Variants in ZNF804B observed in about 807,000 individuals in gnomAD.
ZNF804B encodes the protein zinc finger protein 804B.
A neutral mutation model predicts 101.4 loss-of-function variants in ZNF804B; 80 were observed. The ratio of observed to expected loss-of-function variants is 0.79; its 90% CI spans 0.66 to 0.95. The LOEUF (loss-of-function observed/expected upper bound fraction) is 0.95, where lower values mean the gene tolerates loss of function less well. Ranked by LOEUF, ZNF804B falls within the 40% of genes least tolerant of loss-of-function variation. The pLI is 0.00. For missense variants in ZNF804B, 1,673 were observed against 1,561.9 expected (o/e 1.07, Z -1.20); for synonymous variants, 622 against 558.8 (o/e 1.11, Z -1.59).
chr7:89,083,560 A>T (rs914913444), intron 1 of ZNF804B, among the ~76,000 whole-genome samples: 1 of 151,802 alleles, frequency 6.6e-6, no homozygotes, highest in Non-Finnish European at 1.5e-5. Flanking sequence ...GTGTTTGAGG[A>T]TGTACCTAAC....
At chr7:88,807,904 C>A (rs1456993877) in intron 1 of ZNF804B, among the ~76,000 whole-genome samples, 2 of 152,090 alleles carry the variant, frequency 1.3e-5, no homozygotes, top group Non-Finnish European at 2.9e-5. Flanking sequence ...TTATTAAATT[C>A]TCTGGTCAAA....
At chr7:88,887,320 G>A (rs1480638293) in intron 1 of ZNF804B, among the ~76,000 whole-genome samples, 1 of 150,720 alleles carries the variant, frequency 6.6e-6, no homozygotes. Context: ...GTTCCATATA[G>A]ATGCTGGATA....
Position 88,893,200 on chromosome 7 carries a change from T to C in ZNF804B, c.108+133116T>C, listed in dbSNP as rs557018913. ...CAGCATTTGATATGGTAAGCACATA[T>C]GGATTACTATTTTATTATAGTTTCT... On this transcript the variant is annotated intron_variant, in intron 1 of 3. Transcript: ENST00000333190. Among the ~76,000 whole-genome samples the C allele has an allele frequency of 1.5e-3, 225 of 152,214 alleles. 8 individuals carry two copies. Among genetic ancestry groups the C allele is most frequent in the Non-Finnish European group, 3.7e-4 (25 of 67,990 alleles).
intron 1 of ZNF804B, among the ~76,000 whole-genome samples, chr7:88,761,512 C>T (rs1789896037): frequency 6.6e-6 from 1 of 152,190 alleles, no homozygotes; most frequent in Non-Finnish European, 1.5e-5. Context: ...TCTCAGCAAA[C>T]CACTTTAATG....
intron 1 of ZNF804B, among the ~76,000 whole-genome samples, chr7:89,012,074 G>T (rs753194078): frequency 6.6e-6 from 1 of 152,144 alleles, no homozygotes; most frequent in Non-Finnish European, 1.5e-5. Flanking sequence ...CTTGACTTCT[G>T]TGTACTCACA....
chr7:89,076,586 A>T (rs777947197), intron 1 of ZNF804B, among the ~76,000 whole-genome samples: 1 of 152,184 alleles, frequency 6.6e-6, no homozygotes. Context: ...TTATGTACAT[A>T]AGAAAAATAT....
chr7:89,270,368 A>G (rs865960777), intron 2 of ZNF804B, among the ~76,000 whole-genome samples: 2 of 152,258 alleles, frequency 1.3e-5, no homozygotes, highest in Non-Finnish European at 1.5e-5. Flanking sequence ...CAAAGAGCAG[A>G]TGGTTGTAGA....
intron 1 of ZNF804B, among the ~76,000 whole-genome samples, chr7:89,171,182 T>C (rs1791218495): frequency 6.6e-6 from 1 of 152,342 alleles, no homozygotes; most frequent in African/African-American, 2.4e-5. Flanking sequence ...ACAACAGCAG[T>C]AATAAATTAT....
chr7:88,911,902 G>A (rs1415761305), intron 1 of ZNF804B, among the ~76,000 whole-genome samples: 1 of 151,422 alleles, frequency 6.6e-6, no homozygotes, highest in Non-Finnish European at 1.5e-5. Flanking sequence ...TGTATATCTA[G>A]TATCTTTTAA....
intron 1 of ZNF804B, among the ~76,000 whole-genome samples, chr7:89,072,564 A>G (rs1789557610): frequency 6.6e-6 from 1 of 152,184 alleles, no homozygotes; most frequent in Non-Finnish European, 1.5e-5. Context: ...GGACCAGATC[A>G]TGTACTCTCT....
At chr7:89,021,762 T>C (rs1197036869) in intron 1 of ZNF804B, among the ~76,000 whole-genome samples, 1 of 152,166 alleles carries the variant, frequency 6.6e-6, no homozygotes, top group Non-Finnish European at 1.5e-5. Flanking sequence ...GGAATGAAGA[T>C]ACAGCCCCAG....
At chr7:88,855,455 G>GT (rs1270925272) in intron 1 of ZNF804B, among the ~76,000 whole-genome samples, 8 of 151,852 alleles carry the variant, frequency 5.3e-5, no homozygotes, top group African/African-American at 1.7e-4. Context: ...GGGGTTGTTT[G>GT]TTTTTTTCTT....
chr7:89,104,670 A>C (rs1223423139), intron 1 of ZNF804B, among the ~76,000 whole-genome samples: 2 of 150,522 alleles, frequency 1.3e-5, no homozygotes, highest in African/African-American at 4.9e-5. Context: ...TGTTTTCTTT[A>C]TTTACCTTAT....
At chr7:88,890,344 T>G (rs924067217) in intron 1 of ZNF804B, among the ~76,000 whole-genome samples, 4 of 152,196 alleles carry the variant, frequency 2.6e-5, no homozygotes, top group African/African-American at 9.6e-5. Context: ...AGTATTTGTT[T>G]GCAGGTTTTT....
intron 1 of ZNF804B, among the ~76,000 whole-genome samples, chr7:89,046,766 A>G (rs780401072): frequency 1.3e-5 from 2 of 152,078 alleles, no homozygotes; most frequent in African/African-American, 2.4e-5. Context: ...TCCCCTAAAC[A>G]TTGTTGGAGA....
intron 1 of ZNF804B, among the ~76,000 whole-genome samples, chr7:88,895,579 C>A (rs762885197): frequency 3.3e-5 from 5 of 152,156 alleles, no homozygotes; most frequent in Non-Finnish European, 7.3e-5. Context: ...GTTTCTAATA[C>A]CATCCTCCAA....
intron 2 of ZNF804B, among the ~76,000 whole-genome samples, chr7:89,315,773 A>C (rs549667443): frequency 6.6e-6 from 1 of 152,196 alleles, no homozygotes; most frequent in Non-Finnish European, 1.5e-5. Flanking sequence ...GATCATGTCA[A>C]GTTATTTAAA....
intron 2 of ZNF804B, among the ~76,000 whole-genome samples, chr7:89,276,126 C>A (rs1789976382): frequency 1.3e-5 from 2 of 151,900 alleles, no homozygotes; most frequent in South Asian, 4.2e-4. Context: ...AATGAGAACA[C>A]ATGGACACAG....
At chr7:89,047,323 C>T (rs73387047) in intron 1 of ZNF804B, among the ~76,000 whole-genome samples, 1 of 152,116 alleles carries the variant, frequency 6.6e-6, no homozygotes, top group African/African-American at 2.4e-5. Context: ...ATTTCTTTCA[C>T]CAGATTATAG....
Sources: gnomAD v4.1 joint callset for allele counts (sites outside exome capture counted in the v4.1 genomes callset) on GRCh38, gnomAD v4.1.1 for gene constraint, MANE v1.5 for transcripts, NCBI Gene and HGNC (gene_info 2026-07-23, HGNC 2026-07-21) for gene names.